The following KIF26B variants were observed in gnomAD, a reference collection of about 807,000 sequenced individuals.
The protein encoded by KIF26B is kinesin-like protein KIF26B.
In KIF26B, 63 loss-of-function variants were observed where a neutral mutation model predicts 151.2. That is an observed-to-expected ratio of 0.42 (90% CI 0.34 to 0.51). The LOEUF (loss-of-function observed/expected upper bound fraction) is 0.51. Ranked by LOEUF, KIF26B falls within the 20% of genes least tolerant of loss-of-function variation. The pLI is 0.07. For missense variants in KIF26B, 2,813 were observed against 2,913.6 expected (o/e 0.97, Z 0.79); for synonymous variants, 1,357 against 1,262.1 (o/e 1.08, Z -1.59).
chr1:245,401,826 A>G (rs1022790193), intron 3 of KIF26B, among the ~76,000 whole-genome samples: 4 of 152,092 alleles, frequency 2.6e-5, no homozygotes, highest in African/African-American at 9.7e-5. Flanking sequence ...GCCTAGATAG[A>G]GCCATTGCAC....
chr1:245,296,296 A>G (rs1028810681), intron 2 of KIF26B, among the ~76,000 whole-genome samples: 12 of 152,010 alleles, frequency 7.9e-5, no homozygotes, highest in African/African-American at 2.4e-4. Flanking sequence ...TGTTAACTGA[A>G]GTCTGTCTTC....
rs966758803 is a variant in KIF26B, at chr1:245,318,147, C to A, written c.466-48687C>A. Among the ~76,000 whole-genome samples the A allele has an allele frequency of 2.0e-5, 3 of 152,172 alleles. No homozygotes were observed. The highest frequency in any genetic ancestry group is 2.0e-4 in the Admixed American group (3 of 15,280). The stretch of plus-strand genomic sequence containing the variant: ...CAAGGACTGAGAACTCTGAGGAGAT[C>A]TAGGAGATCCCTAAGTATATTAGGT... On this transcript the variant is annotated intron_variant, in intron 2 of 14. Coordinates refer to ENST00000407071, the MANE Select transcript of KIF26B (RefSeq NM_018012.4). This position sits in a 1 kb window ranked among gnomAD's most constrained non-coding sequence, Gnocchi z 4.0.
intron 5 of KIF26B, among the ~76,000 whole-genome samples, chr1:245,581,922 G>C (rs750166906): frequency 1.7e-3 from 87 of 51,706 alleles, no homozygotes; most frequent in Non-Finnish European, 2.8e-3. Context: ...GTCAAAGAGA[G>C]AAAGAGGAAG....
At chr1:245,473,521 C>T (rs922201725) in intron 4 of KIF26B, among the ~76,000 whole-genome samples, 23 of 147,260 alleles carry the variant, frequency 1.6e-4, no homozygotes, top group African/African-American at 5.1e-4. Flanking sequence ...CTGCCTTTCT[C>T]TTTCACTCAC....
rs1671819161 is a variant in KIF26B, at chr1:245,318,310, C to G, written c.466-48524C>G. On this transcript the variant is annotated intron_variant, in intron 2 of 14. Transcript: ENST00000407071. The surrounding 1 kb of genome is among the most constrained non-coding windows in gnomAD (Gnocchi z 4.0). ...TAAAGGCAATACAAGGAATGACTGG[C>G]AAATACAGGTGTGAATTCCACTTAC... 6.6e-6 allele frequency among the ~76,000 whole-genome samples: 1 copy of G among 152,096 alleles called. No individual in the cohort carries two copies. Among genetic ancestry groups the G allele is most frequent in the South Asian group, 2.1e-4 (1 of 4,818 alleles).
At chr1:245,326,114 T>C (rs934564899) in intron 2 of KIF26B, among the ~76,000 whole-genome samples, 1 of 152,006 alleles carries the variant, frequency 6.6e-6, no homozygotes, top group Non-Finnish European at 1.5e-5. Flanking sequence ...GAGATTTGAG[T>C]GCATGTGACT....
At chr1:245,374,509 G>C (rs1168127442) in intron 3 of KIF26B, among the ~76,000 whole-genome samples, 1 of 152,080 alleles carries the variant, frequency 6.6e-6, no homozygotes, top group African/African-American at 2.4e-5. Flanking sequence ...GTTCTTCGCA[G>C]CTCTTGAGGG....
chr1:245,398,726 T>A (rs1311766250), intron 3 of KIF26B, among the ~76,000 whole-genome samples: 1 of 151,714 alleles, frequency 6.6e-6, no homozygotes, highest in Non-Finnish European at 1.5e-5. Flanking sequence ...CAAAAAATTA[T>A]AAATTATAAT....
chr1:245,622,751 G>C (rs2043677960), intron 9 of KIF26B, among the ~76,000 whole-genome samples: 1 of 152,178 alleles, frequency 6.6e-6, no homozygotes, highest in Non-Finnish European at 1.5e-5. Flanking sequence ...GCTGTAAGCT[G>C]GGCCGCCTGG....
intron 2 of KIF26B, among the ~76,000 whole-genome samples, chr1:245,326,985 C>G (rs74959808): frequency 0.067 from 10,169 of 152,238 alleles, 434 homozygotes; most frequent in African/African-American, 0.12. Context: ...TTTCACTTCT[C>G]TCTTCTTTTC....
chr1:245,688,862 C>T (rs1003597688), intron 12 of KIF26B, 55 bp downstream of exon 12: 1 of 1,505,068 alleles, frequency 6.6e-7, no homozygotes, highest in Admixed American at 2.1e-5. Context: ...GGGCGAGCTG[C>T]CCAAACCCCA....
rs1431076495 is a variant in KIF26B at position 245,380,955 on chromosome 1, G to GGA, written c.999+13588_999+13589insGA. Among the ~76,000 whole-genome samples, 27 of 77,930 alleles carry GGA rather than the reference G, an allele frequency of 3.5e-4. 2 individuals are homozygous for GGA. The highest frequency in any genetic ancestry group is 6.6e-4 in the Admixed American group (5 of 7,540). 51.1% of individuals were successfully genotyped at this position (77,930 alleles called of 152,430 possible). ...AAAGACACTGATGGGCCAAAAAGAT[G>GGA]AAAAAAAAAAAAAAAAAAAAGGCTG... On this transcript the variant is annotated intron_variant, in intron 3 of 14. Transcript: ENST00000407071.
intron 4 of KIF26B, among the ~76,000 whole-genome samples, chr1:245,499,835 G>A (rs1256834958): frequency 6.6e-6 from 1 of 152,220 alleles, no homozygotes; most frequent in East Asian, 1.9e-4. Context: ...TAGGTCTGAT[G>A]GCTGGTAAAG....
At chr1:245,289,799 A>C (rs1671226514) in intron 2 of KIF26B, among the ~76,000 whole-genome samples, 1 of 152,226 alleles carries the variant, frequency 6.6e-6, no homozygotes, top group African/African-American at 2.4e-5. Context: ...CAGGAAATGT[A>C]ATGGAAACAA....
rs186052124 is a variant in KIF26B at position 245,665,251 on chromosome 1, T to C, written c.2258+18971T>C. Among the ~76,000 whole-genome samples, 9 of 152,330 alleles carry C rather than the reference T, an allele frequency of 5.9e-5. No homozygotes were observed. The East Asian group carries it at 1.7e-3, about 29-fold the overall frequency. ...CAGAGGCTGAGCTTTTTGTGTTTCA[T>C]TGGTTGAACACTTGATTATGGATTA... On this transcript the variant is annotated intron_variant, in intron 10 of 14. Transcript: ENST00000407071.
chr1:245,230,237 A>G (rs892752145), intron 2 of KIF26B, among the ~76,000 whole-genome samples: 2 of 152,122 alleles, frequency 1.3e-5, no homozygotes, highest in African/African-American at 4.8e-5. Flanking sequence ...GGGGAAATAA[A>G]TGTCCCGAAG....
chr1:245,244,143 G>C lies in KIF26B; in HGVS notation c.465+87460G>C, dbSNP rs1015247611. Among the ~76,000 whole-genome samples, 6 of 152,040 alleles carry C rather than the reference G, an allele frequency of 3.9e-5. No homozygotes were observed. Among genetic ancestry groups the C allele is most frequent in the African/African-American group, 1.4e-4 (6 of 41,380 alleles). The stretch of plus-strand genomic sequence containing the variant: ...TATTTATTTATTTATTTTTTGTAGA[G>C]ATTGGGTCTTGCTATGTTACCCAGG... On this transcript the variant is annotated intron_variant, in intron 2 of 14. Transcript: ENST00000407071. The surrounding 1 kb of genome is among the most constrained non-coding windows in gnomAD (Gnocchi z 4.2).
In KIF26B at chr1:245,350,239, T is replaced by C. The variant is rs187667992; in HGVS notation, c.466-16595T>C. Among the ~76,000 whole-genome samples, 797 of 152,196 alleles carry C rather than the reference T, an allele frequency of 5.2e-3. 13 individuals are homozygous for C. Among genetic ancestry groups the C allele is most frequent in the Non-Finnish European group, 5.0e-3 (342 of 68,024 alleles). On this transcript the variant is annotated intron_variant, in intron 2 of 14. Coordinates refer to ENST00000407071, the MANE Select transcript of KIF26B (RefSeq NM_018012.4). Reference sequence around the variant, plus strand: ...GTAGCAGAGTCATTCATCTGGTCAATGGCCACATGAAGACACAGATCTTGC... The same window carrying C: ...GTAGCAGAGTCATTCATCTGGTCAACGGCCACATGAAGACACAGATCTTGC...
At chr1:245,675,478 G>A (rs1245578567) in intron 10 of KIF26B, among the ~76,000 whole-genome samples, 2 of 152,166 alleles carry the variant, frequency 1.3e-5, no homozygotes, top group Non-Finnish European at 2.9e-5. Flanking sequence ...CACTCCCAGT[G>A]AGTATGATGT....
Sources: gnomAD v4.1 joint callset for allele counts (sites outside exome capture counted in the v4.1 genomes callset) on GRCh38, gnomAD v4.1.1 for gene constraint, Gnocchi (gnomAD v3.1) non-coding constraint, MANE v1.5 for transcripts, NCBI Gene and HGNC (gene_info 2026-07-23, HGNC 2026-07-21) for gene names.